The following PIAS4 variants were observed in gnomAD, a reference collection of about 807,000 sequenced individuals.
The protein encoded by PIAS4 is E3 SUMO-protein ligase PIAS4.
A neutral mutation model predicts 58.0 loss-of-function variants in PIAS4; 7 were observed. The ratio of observed to expected loss-of-function variants is 0.12; its 90% CI spans 0.07 to 0.23. The LOEUF (loss-of-function observed/expected upper bound fraction) is 0.23, where lower values mean the gene tolerates loss of function less well. Among genes scored for constraint, PIAS4 ranks in the 10% least tolerant of loss-of-function variants. PIAS4 has a pLI of 1.00. For missense variants in PIAS4, 550 were observed against 709.5 expected, an observed-to-expected ratio of 0.78 and a Z score of 2.55; for synonymous variants, 364 against 312.4, an observed-to-expected ratio of 1.17 and a Z score of -1.74.
At position 4,034,532 on chromosome 19, in the gene PIAS4, C is replaced by G. The variant is rs193195353; in HGVS notation, c.1142+952C>G. Among the ~76,000 whole-genome samples, 1,304 of 152,366 alleles carry G rather than the reference C, an allele frequency of 8.6e-3. 11 individuals carry two copies. Among genetic ancestry groups the G allele is most frequent in the Non-Finnish European group, 0.015 (1,026 of 68,022 alleles). ...CTTGAACCCAGCCTGAGTCTGGGTC[C>G]CCTCTGTGGAGGGCTGGGTGGCCAC... On this transcript the variant is annotated intron_variant, in intron 9 of 10. Coordinates refer to ENST00000262971, the MANE Select transcript of PIAS4 (RefSeq NM_015897.4).
Position 4,038,948 on chromosome 19 carries a change from C to A in PIAS4, c.*1073C>A, listed in dbSNP as rs1046109302. 1.3e-5 allele frequency: 2 copies of A among 152,484 alleles called. No individual in the cohort carries two copies. Among genetic ancestry groups the A allele is most frequent in the African/African-American group, 2.4e-5 (1 of 41,444 alleles). The allele number at this position is 152,484 out of a possible 1,614,324, so 9.4% of individuals were successfully genotyped here. A position where few individuals can be genotyped will look rare whatever the true frequency, so the allele number is the denominator to read the frequency against. The stretch of plus-strand genomic sequence containing the variant: ...GGCCTCCTTCCTGTCCCCAGGCGTT[C>A]CCGGCCCCTCGCAGGCCCCACCCAT... On this transcript the variant is annotated 3_prime_UTR_variant, in exon 11 of 11. Transcript: ENST00000262971. The surrounding 1 kb of genome is among the most constrained non-coding windows in gnomAD (Gnocchi z 4.1).
intron 9 of PIAS4, among the ~76,000 whole-genome samples, chr19:4,034,657 C>T (rs1482480012): frequency 6.6e-6 from 1 of 152,234 alleles, no homozygotes; most frequent in Non-Finnish European, 1.5e-5. Context: ...AGCTGTGCAG[C>T]CGGGTGCCCG....
intron 7 of PIAS4, 101 bp downstream of exon 7, chr19:4,029,137 A>G (rs960057699): frequency 1.2e-6 from 1 of 807,454 alleles, no homozygotes; most frequent in Non-Finnish European, 2.0e-6. Context: ...GAGGAGATCG[A>G]TCAGGGGCCG....
intron 2 of PIAS4, among the ~76,000 whole-genome samples, chr19:4,020,466 T>TTCCC (rs1446793012): frequency 1.3e-5 from 2 of 151,438 alleles, no homozygotes; most frequent in African/African-American, 4.9e-5. Flanking sequence ...TCCCGGCCAC[T>TTCCC]GCAAGGCTGC....
chr19:4,019,997 A>G (rs1045997857), intron 2 of PIAS4, among the ~76,000 whole-genome samples: 1 of 151,848 alleles, frequency 6.6e-6, no homozygotes, highest in Non-Finnish European at 1.5e-5. Context: ...GCTCACTGCA[A>G]GCTCCGCCTC....
intron 2 of PIAS4, among the ~76,000 whole-genome samples, chr19:4,023,312 C>G (rs113574627): frequency 0.021 from 3,199 of 152,076 alleles, 93 homozygotes; most frequent in African/African-American, 0.069. Flanking sequence ...AATCCCATCT[C>G]TACTAAAAAT....
chr19:4,018,267 G>A (rs995720227), intron 2 of PIAS4, among the ~76,000 whole-genome samples: 8 of 152,212 alleles, frequency 5.3e-5, no homozygotes, highest in African/African-American at 9.6e-5. Flanking sequence ...GGTGCTTGCC[G>A]CCTTCTCCCT....
At position 4,014,971 on chromosome 19, in the gene PIAS4, G is replaced by C. The variant is rs372518493; in HGVS notation, c.454+1622G>C. On this transcript the variant is annotated intron_variant, in intron 2 of 10. Transcript: ENST00000262971. Reference sequence around the variant, plus strand: ...GTCGGTGGTTCCTGCGGCAGCCGAGGCTCCTCCCTCCAGCCTGAGGCTCCG... The same window carrying C: ...GTCGGTGGTTCCTGCGGCAGCCGAGCCTCCTCCCTCCAGCCTGAGGCTCCG... 5.3e-5 allele frequency among the ~76,000 whole-genome samples: 8 copies of C among 152,206 alleles called. No individual in the cohort carries two copies. In the East Asian group the frequency reaches 1.2e-3, roughly 22 times the overall value.
intron 9 of PIAS4, among the ~76,000 whole-genome samples, chr19:4,035,306 A>G (rs1293952425): frequency 6.6e-6 from 1 of 152,082 alleles, no homozygotes; most frequent in Non-Finnish European, 1.5e-5. Flanking sequence ...TGGGCCCTGC[A>G]TGGACCCGTG....
At chr19:4,007,859 C>T in intron 1 of PIAS4, 72 bp downstream of exon 1, 2 of 1,128,090 alleles carry the variant, frequency 1.8e-6, no homozygotes, top group Non-Finnish European at 2.2e-6. Flanking sequence ...AGGTCGAGGT[C>T]TGCGCCTTCT....
At position 4,024,073 on chromosome 19, in the gene PIAS4, C is replaced by T; in HGVS notation, c.492C>T (p.Cys164=). Residue 164 remains cysteine (C), a synonymous_variant, in exon 3 of 11, where the codon TGC becomes TGT. Transcript: ENST00000262971. ...ACGAGAAGCTTCAGGAGAGCCCGTG[C>T]ATCTTCGCATTGACGCCAAGACAGG... The part of the protein sequence containing the change: ...QNNEKLQESP[C]IFALTPRQVE... 23 of 1,613,994 alleles carry T rather than the reference C, an allele frequency of 1.4e-5. No homozygotes were observed. The highest frequency in any genetic ancestry group is 1.9e-5 in the Non-Finnish European group (22 of 1,179,840).
chr19:4,035,680 C>T (rs1189687924), intron 9 of PIAS4, among the ~76,000 whole-genome samples: 1 of 148,042 alleles, frequency 6.8e-6, no homozygotes, highest in Non-Finnish European at 1.5e-5. Flanking sequence ...GGCGGGCACA[C>T]AGTGCAATGT....
chr19:4,023,340 T>G (rs1391574159), intron 2 of PIAS4, among the ~76,000 whole-genome samples: 3 of 151,896 alleles, frequency 2.0e-5, no homozygotes, highest in African/African-American at 4.8e-5. Flanking sequence ...TTAGCCAGGC[T>G]TGGTGGCTAT....
intron 7 of PIAS4, among the ~76,000 whole-genome samples, chr19:4,031,703 TCTC>T (rs2040224235): frequency 6.6e-6 from 1 of 151,626 alleles, no homozygotes; most frequent in African/African-American, 2.4e-5. Context: ...TCCGAAGGGG[TCTC>T]CTGCTGCTTC....
At chr19:4,028,893 C>G (rs374902045) in intron 6 of PIAS4, 38 bp from the exon 7 acceptor site, 361 of 1,612,346 alleles carry the variant, frequency 2.2e-4, no homozygotes, top group Non-Finnish European at 3.0e-4. Flanking sequence ...AACCCCGGCC[C>G]CGTCCTGCCA....
intron 7 of PIAS4, 65 bp downstream of exon 7, chr19:4,029,101 G>T (rs1288478943): frequency 1.7e-6 from 2 of 1,162,240 alleles, no homozygotes; most frequent in Admixed American, 2.0e-5. Flanking sequence ...GCCCTGTGCT[G>T]GGTGAAGCGG....
rs749000055 is a variant in PIAS4, at chr19:4,028,154, A to T, written c.548A>T (p.Gln183Leu). The stretch of plus-strand genomic sequence containing the variant: ...TTGCTCCACACCCACAGGGAACTGC[A>T]GCCCGGAGTTAAAGCCGTGCAGGTC... ...VELIRNSREL[Q>L]PGVKAVQVVL... Residue 183 changes from glutamine (Q) to leucine (L), a missense_variant, in exon 4 of 11, where the codon CAG (glutamine) becomes CTG (leucine). By Grantham distance (113) the Gln-to-Leu change is moderately radical. Around this residue, in one of 4 missense-constraint regions of PIAS4, gnomAD observed 225 missense variants for 345.8 expected, o/e 0.65. Coordinates refer to ENST00000262971, the MANE Select transcript of PIAS4 (RefSeq NM_015897.4). 1.2e-6 allele frequency: 2 copies of T among 1,613,482 alleles called. No homozygotes were observed. Among genetic ancestry groups the T allele is most frequent in the South Asian group, 2.2e-5 (2 of 91,084 alleles).
intron 3 of PIAS4, among the ~76,000 whole-genome samples, chr19:4,025,289 A>G (rs2040151269): frequency 6.6e-6 from 1 of 152,130 alleles, no homozygotes; most frequent in Non-Finnish European, 1.5e-5. Context: ...TCGTCCTCAG[A>G]TGAGGACGGT....
At chr19:4,035,210 T>C (rs4806968) in intron 9 of PIAS4, among the ~76,000 whole-genome samples, 138,425 of 152,062 alleles carry the variant, frequency 0.91, 63,109 homozygotes, top group East Asian at 0.96. Flanking sequence ...TGGCCCAGAG[T>C]GGGACGAGGG....
Sources: gnomAD v4.1 joint callset for allele counts (sites outside exome capture counted in the v4.1 genomes callset) on GRCh38, gnomAD v4.1.1 for gene constraint, gnomAD v4.1.1 regional missense constraint, Gnocchi (gnomAD v3.1) non-coding constraint, MANE v1.5 for transcripts, NCBI Gene and HGNC (gene_info 2026-07-23, HGNC 2026-07-21) for gene names.